Variants in ATOSA observed in about 807,000 individuals in gnomAD.
The protein encoded by ATOSA is atos homolog A.
chr15:52,586,312 T>C, the ATOSA span: 1 of 152,228 alleles, frequency 6.6e-6, no homozygotes, highest in Non-Finnish European at 1.5e-5. Context: ...TCCTGTGTGA[T>C]ATGAAATAAA....
the ATOSA span, among the ~76,000 whole-genome samples, chr15:52,608,147 C>T: frequency 3.9e-5 from 6 of 152,232 alleles, no homozygotes; most frequent in East Asian, 1.2e-3. Flanking sequence ...GCCTTGGCCT[C>T]CCAAAGTGTT....
the ATOSA span, among the ~76,000 whole-genome samples, chr15:52,684,399 C>T: frequency 4.6e-5 from 7 of 152,158 alleles, no homozygotes; most frequent in African/African-American, 7.2e-5. Flanking sequence ...TAGCCAGGCA[C>T]GATGGCATGA....
At chr15:52,677,284 T>C in the ATOSA span, among the ~76,000 whole-genome samples, 13 of 152,212 alleles carry the variant, frequency 8.5e-5, no homozygotes, top group Non-Finnish European at 1.5e-5. Flanking sequence ...ATCAAACTCA[T>C]ATCTGACTGA....
the ATOSA span, among the ~76,000 whole-genome samples, chr15:52,662,230 T>G: frequency 6.6e-6 from 1 of 152,178 alleles, no homozygotes; most frequent in South Asian, 2.1e-4. Context: ...GATACATCTC[T>G]ACTCTTAACA....
chr15:52,709,704 C>T, the ATOSA span: 2 of 152,612 alleles, frequency 1.3e-5, no homozygotes, highest in African/African-American at 4.8e-5. Context: ...CTTCCCACTC[C>T]CCCTTTTCTC....
the ATOSA span, among the ~76,000 whole-genome samples, chr15:52,626,400 T>A: frequency 6.6e-6 from 1 of 152,102 alleles, no homozygotes; most frequent in Non-Finnish European, 1.5e-5. Context: ...CATCTGGTTA[T>A]AAATAAAGTG....
At chr15:52,680,282 C>T in the ATOSA span, among the ~76,000 whole-genome samples, 1 of 152,086 alleles carries the variant, frequency 6.6e-6, no homozygotes, top group Non-Finnish European at 1.5e-5. Context: ...CTATTAGCTA[C>T]TCAGTCTATA....
chr15:52,634,018 A>G, the ATOSA span, among the ~76,000 whole-genome samples: 1 of 152,182 alleles, frequency 6.6e-6, no homozygotes, highest in South Asian at 2.1e-4. Flanking sequence ...ACAAGTTAAA[A>G]ATAATGTGCA....
the ATOSA span, among the ~76,000 whole-genome samples, chr15:52,674,211 C>G: frequency 0.046 from 6,982 of 151,964 alleles, 343 homozygotes; most frequent in East Asian, 0.24. Flanking sequence ...ACACTAAGAC[C>G]ACATTTTATT....
chr15:52,616,267 G>C, the ATOSA span, among the ~76,000 whole-genome samples: 605 of 152,348 alleles, frequency 4.0e-3, 2 homozygotes, highest in African/African-American at 0.014. Flanking sequence ...ACAGTGGTGA[G>C]GAAGGGTTCT....
chr15:52,624,631 T>C, the ATOSA span, among the ~76,000 whole-genome samples: 1 of 152,244 alleles, frequency 6.6e-6, no homozygotes, highest in African/African-American at 2.4e-5. Context: ...TTGACAGCTC[T>C]ATAGTTATAT....
the ATOSA span, among the ~76,000 whole-genome samples, chr15:52,707,907 C>T: frequency 6.6e-6 from 1 of 152,114 alleles, no homozygotes; most frequent in Admixed American, 6.6e-5. Context: ...TTTGCCTTTC[C>T]TACGTGAGCC....
chr15:52,584,145 CTTT>C, the ATOSA span, among the ~76,000 whole-genome samples: 3 of 125,332 alleles, frequency 2.4e-5, no homozygotes, highest in African/African-American at 5.9e-5. Context: ...GCTCATATTA[CTTT>C]TTTTTTTTTT....
the ATOSA span, among the ~76,000 whole-genome samples, chr15:52,605,717 T>A: frequency 6.6e-6 from 1 of 152,118 alleles, no homozygotes; most frequent in African/African-American, 2.4e-5. Context: ...CATGTCCAAA[T>A]GTAAATGCTT....
the ATOSA span, among the ~76,000 whole-genome samples, chr15:52,606,977 T>C: frequency 1.3e-5 from 2 of 152,190 alleles, no homozygotes; most frequent in Non-Finnish European, 2.9e-5. Context: ...AAAAGGTGGT[T>C]TGGTAGGAAA....
chr15:52,673,412 G>C, the ATOSA span, among the ~76,000 whole-genome samples: 3 of 152,196 alleles, frequency 2.0e-5, no homozygotes, highest in African/African-American at 4.8e-5. Flanking sequence ...TCACATTTGA[G>C]CTTGCCCTTT....
the ATOSA span, among the ~76,000 whole-genome samples, chr15:52,612,484 C>T: frequency 3.4e-5 from 5 of 146,810 alleles, no homozygotes; most frequent in South Asian, 2.2e-4. Flanking sequence ...TTTCATTAAA[C>T]GCTCAAAATA....
chr15:52,656,587 T>G, the ATOSA span: 1 of 152,136 alleles, frequency 6.6e-6, no homozygotes, highest in Non-Finnish European at 1.5e-5. Flanking sequence ...AGCAGTAGCT[T>G]GTTTACCAAA....
At chr15:52,680,239 T>TA in the ATOSA span, among the ~76,000 whole-genome samples, 36 of 151,216 alleles carry the variant, frequency 2.4e-4, no homozygotes, top group Admixed American at 7.2e-4. Flanking sequence ...CTGCTGTACT[T>TA]AAAAAAAAAC....
Sources: allele counts gnomAD v4.1 joint callset (sites outside exome capture counted in the v4.1 genomes callset), GRCh38; gene constraint gnomAD v4.1.1; transcripts MANE v1.5; gene names NCBI Gene and HGNC (gene_info 2026-07-23, HGNC 2026-07-21).